Variants in FBN1 observed in about 807,000 individuals in gnomAD.
The protein encoded by FBN1 is fibrillin 1.
A neutral mutation model predicts 365.1 loss-of-function variants in FBN1; 29 were observed. The observed-to-expected ratio is 0.08, with a 90% CI of 0.06 to 0.11. The LOEUF (loss-of-function observed/expected upper bound fraction) is 0.11, where lower values mean the gene tolerates loss of function less well. Ranked by LOEUF, FBN1 falls within the 10% of genes least tolerant of loss-of-function variation. The pLI, the probability that FBN1 is intolerant of heterozygous loss-of-function variation, is 1.00. For missense variants in FBN1, 2,476 were observed against 3,703.2 expected (o/e 0.67, Z 8.60); for synonymous variants, 1,210 against 1,270.5 (o/e 0.95, Z 1.01).
chr15:48,427,904 G>A (rs2042992923), intron 57 of FBN1, 131 bp from the exon 58 acceptor site: 1 of 795,354 alleles, frequency 1.3e-6, no homozygotes, highest in African/African-American at 1.7e-5. Flanking sequence ...GAAGCAAGAG[G>A]GGAAAGCTGG....
rs776753439 is a variant in FBN1 at position 48,488,124 on chromosome 15, T to C, written c.3326A>G (p.Lys1109Arg). 1.9e-6 allele frequency: 3 copies of C among 1,614,216 alleles called. No homozygotes were observed. Residue 1109 changes from lysine to arginine, a missense_variant, in exon 27 of 66, where the codon AAG (lysine) becomes AGG (arginine). Physicochemically the swap from Lys to Arg is conservative, Grantham distance 26. Coordinates refer to ENST00000316623, the MANE Select transcript of FBN1 (RefSeq NM_000138.5). ...EGYESGFMMM[K>R]NCMDIDECQR... ...GATCCCAAACTTACCCATGCAGTTC[T>C]TCATCATCATGAATCCACTTTCATA...
chr15:48,642,844 G>A (rs1195903784), intron 2 of FBN1: 2 of 152,198 alleles, frequency 1.3e-5, no homozygotes, highest in Non-Finnish European at 2.9e-5. Flanking sequence ...CAAATACTGT[G>A]AGGAGCACAG....
In FBN1 at chr15:48,495,163, G is replaced by A. The variant is rs202163602; in HGVS notation, c.2637C>T (p.Leu879=). ...TGCACGGGCTTCCCCACGCAGCACC[G>A]AGGGAGGAGCAGCACTGGGACTTTA... The part of the protein sequence containing the change: ...ATLKSQCCSS[L]GAAWGSPCTL... Residue 879 remains leucine (L), a synonymous_variant, in exon 22 of 66, where the codon CTC becomes CTT. Transcript: ENST00000316623. 171 of 1,614,164 alleles carry A rather than the reference G, an allele frequency of 1.1e-4. No homozygotes were observed. The highest frequency in any genetic ancestry group is 1.4e-4 in the Non-Finnish European group (166 of 1,180,022).
intron 2 of FBN1, among the ~76,000 whole-genome samples, chr15:48,617,307 T>C (rs1039819565): frequency 2.6e-5 from 4 of 152,068 alleles, no homozygotes; most frequent in African/African-American, 9.7e-5. Flanking sequence ...CCTGAGTAGC[T>C]GGGGCTACAG....
At chr15:48,527,762 C>T (rs770438598) in intron 8 of FBN1, among the ~76,000 whole-genome samples, 6 of 152,224 alleles carry the variant, frequency 3.9e-5, no homozygotes, top group Admixed American at 3.3e-4. Context: ...CTAAACCAAA[C>T]AATATTTCAC....
intron 4 of FBN1, among the ~76,000 whole-genome samples, chr15:48,604,890 C>A (rs2044594542): frequency 6.6e-6 from 1 of 152,190 alleles, no homozygotes; most frequent in African/African-American, 2.4e-5. Flanking sequence ...CCTTCTTACA[C>A]CCTTAGAGCT....
intron 6 of FBN1, among the ~76,000 whole-genome samples, chr15:48,569,748 T>C (rs989746263): frequency 6.6e-6 from 1 of 152,160 alleles, no homozygotes; most frequent in Non-Finnish European, 1.5e-5. Context: ...AAAAGGCATA[T>C]CTATAGAGAC....
intron 2 of FBN1, among the ~76,000 whole-genome samples, chr15:48,639,891 A>G (rs1043331266): frequency 2.0e-5 from 3 of 152,232 alleles, no homozygotes; most frequent in Admixed American, 1.3e-4. Context: ...TTATTTTCAC[A>G]TTGAAAATAA....
intron 6 of FBN1, among the ~76,000 whole-genome samples, chr15:48,585,755 C>A (rs763291144): frequency 3.9e-5 from 6 of 152,048 alleles, no homozygotes; most frequent in Non-Finnish European, 7.4e-5. Context: ...TTTTAGTAGT[C>A]CCAAAAGCAG....
At chr15:48,469,293 A>G (rs1172347865) in intron 36 of FBN1, among the ~76,000 whole-genome samples, 3 of 151,928 alleles carry the variant, frequency 2.0e-5, no homozygotes, top group Non-Finnish European at 4.4e-5. Flanking sequence ...ATCAAATTAG[A>G]GCAAGATGTC....
intron 6 of FBN1, among the ~76,000 whole-genome samples, chr15:48,587,882 A>G (rs181701716): frequency 2.4e-4 from 36 of 152,316 alleles, no homozygotes; most frequent in Non-Finnish European, 1.8e-4. Flanking sequence ...AACTTCTACT[A>G]AGACAGAGAA....
chr15:48,484,129 T>A (rs1487170655), intron 30 of FBN1, among the ~76,000 whole-genome samples, 186 bp from the exon 31 acceptor site: 2 of 152,158 alleles, frequency 1.3e-5, no homozygotes, highest in Admixed American at 6.5e-5. Context: ...GGAAAAAATA[T>A]TTTTCAATAT....
intron 4 of FBN1, among the ~76,000 whole-genome samples, chr15:48,604,422 G>T (rs770485090): frequency 6.6e-6 from 1 of 152,194 alleles, no homozygotes; most frequent in Non-Finnish European, 1.5e-5. Context: ...CAGAGTCACT[G>T]CAGGATAAAA....
At chr15:48,632,691 A>AC (rs1340475269) in intron 2 of FBN1, among the ~76,000 whole-genome samples, 2 of 152,124 alleles carry the variant, frequency 1.3e-5, no homozygotes, top group Non-Finnish European at 2.9e-5. Flanking sequence ...ATACCAGTAT[A>AC]CCCCACTACC....
intron 35 of FBN1, among the ~76,000 whole-genome samples, chr15:48,471,861 T>C (rs1002645769): frequency 1.3e-5 from 2 of 152,362 alleles, no homozygotes; most frequent in Admixed American, 1.3e-4. Context: ...GGAAGAATCT[T>C]GTGTTCCCTA....
At chr15:48,641,818 T>C (rs1383751577) in intron 2 of FBN1, 3 of 152,194 alleles carry the variant, frequency 2.0e-5, no homozygotes, top group Non-Finnish European at 4.4e-5. Flanking sequence ...CAGGGCACCG[T>C]TAAAGGATTT....
intron 13 of FBN1, among the ~76,000 whole-genome samples, chr15:48,511,250 G>A (rs1455285954): frequency 6.6e-6 from 1 of 152,076 alleles, no homozygotes; most frequent in Non-Finnish European, 1.5e-5. Context: ...TCCTGCAGTG[G>A]TTTCCACACA....
chr15:48,539,230 T>C (rs1305235596), intron 6 of FBN1, among the ~76,000 whole-genome samples: 2 of 152,234 alleles, frequency 1.3e-5, no homozygotes, highest in Non-Finnish European at 2.9e-5. Context: ...CTATCTGCAA[T>C]GAACCACCTC....
chr15:48,609,962 T>C (rs947695784), intron 4 of FBN1, among the ~76,000 whole-genome samples: 2 of 152,214 alleles, frequency 1.3e-5, no homozygotes, highest in African/African-American at 2.4e-5. Context: ...CTTTAAAACT[T>C]TGTCAAAATA....
Sources: allele counts gnomAD v4.1 joint callset (sites outside exome capture counted in the v4.1 genomes callset), GRCh38; gene constraint gnomAD v4.1.1; transcripts MANE v1.5; gene names NCBI Gene and HGNC (gene_info 2026-07-23, HGNC 2026-07-21).